The following PTPRA variants were observed in gnomAD, a reference collection of about 807,000 sequenced individuals.
PTPRA encodes receptor-type tyrosine-protein phosphatase alpha.
PTPRA carries 25 observed loss-of-function variants against 104.8 expected under a neutral mutation model. The ratio of observed to expected loss-of-function variants is 0.24; its 90% CI spans 0.17 to 0.33. The LOEUF is 0.33. Ranked by LOEUF, PTPRA falls within the 10% of genes least tolerant of loss-of-function variation. The pLI, the probability that PTPRA is intolerant of heterozygous loss-of-function variation, is 1.00. For synonymous variants in PTPRA, 323 were observed against 368.9 expected, an observed-to-expected ratio of 0.88 and a Z score of 1.43; for missense variants, 765 against 1,015.3, an observed-to-expected ratio of 0.75 and a Z score of 3.35.
intron 2 of PTPRA, among the ~76,000 whole-genome samples, chr20:2,931,938 ATGAC>A (rs757477676): frequency 4.6e-5 from 7 of 152,208 alleles, no homozygotes; most frequent in Non-Finnish European, 7.3e-5. Flanking sequence ...AGTCTGTTGA[ATGAC>A]TGACTGACTG....
rs563112711 is a variant in PTPRA, at chr20:3,037,435, A to G, written c.2334+146A>G. Reference sequence around the variant, plus strand: ...TGCCCTCCCAAGGTGCCCCAAATACACAGGAAACATTGGGAGGCAGGATGG... The same window carrying G: ...TGCCCTCCCAAGGTGCCCCAAATACGCAGGAAACATTGGGAGGCAGGATGG... On this transcript the variant is annotated intron_variant, in intron 23 of 23. Transcript: ENST00000399903. This position sits in a 1 kb window ranked among gnomAD's most constrained non-coding sequence, Gnocchi z 4.3. 1.5e-6 allele frequency: 2 copies of G among 1,299,970 alleles called. No individual in the cohort carries two copies. The highest frequency in any genetic ancestry group is 1.5e-5 in the African/African-American group (1 of 67,386). The allele number at this position is 1,299,970 out of a possible 1,614,324, so 80.5% of individuals were successfully genotyped here. A position where few individuals can be genotyped will look rare whatever the true frequency, so the allele number is the denominator to read the frequency against.
chr20:2,949,821 A>G (rs543954435), intron 3 of PTPRA, among the ~76,000 whole-genome samples: 65 of 152,100 alleles, frequency 4.3e-4, no homozygotes, highest in African/African-American at 1.4e-3. Context: ...GTTTTTATCT[A>G]ATGCATTTTC....
chr20:3,012,301 A>G (rs1338592774), intron 11 of PTPRA, among the ~76,000 whole-genome samples: 1 of 152,244 alleles, frequency 6.6e-6, no homozygotes, highest in Non-Finnish European at 1.5e-5. Context: ...GGGCTATTGC[A>G]ATAGCAGGTA....
At chr20:2,902,190 T>C (rs1449581524) in intron 1 of PTPRA, among the ~76,000 whole-genome samples, 1 of 152,134 alleles carries the variant, frequency 6.6e-6, no homozygotes, top group African/African-American at 2.4e-5. Context: ...TGGCCAATTG[T>C]GATTTTTTTA....
chr20:3,030,590 GA>G (rs1568709052), intron 20 of PTPRA, among the ~76,000 whole-genome samples: 1 of 137,498 alleles, frequency 7.3e-6, no homozygotes, highest in Admixed American at 7.7e-5. Flanking sequence ...AGTTCCCAGA[GA>G]AAAAAATTCG....
the PTPRA span, among the ~76,000 whole-genome samples, chr20:2,868,310 C>CTTTTTTTTTTTTT: frequency 1.5e-4 from 16 of 104,150 alleles, no homozygotes; most frequent in East Asian, 8.1e-4. Context: ...GACTCCACCT[C>CTTTTTTTTTTTTT]TTTTTTTTTT....
In PTPRA at chr20:3,037,967, C is replaced by CCAT. The variant is rs1372364523; in HGVS notation, c.2335-90_2335-88dup. The CCAT allele has an allele frequency of 9.0e-7, 1 of 1,109,352 alleles. No homozygotes were observed. Among genetic ancestry groups the CCAT allele is most frequent in the East Asian group, 2.4e-5 (1 of 41,948 alleles). The allele number at this position is 1,109,352 out of a possible 1,614,324, so 68.7% of individuals were successfully genotyped here. On this transcript the variant is annotated intron_variant, in intron 23 of 23. Coordinates refer to ENST00000399903, the MANE Select transcript of PTPRA (RefSeq NM_001385305.1). The surrounding 1 kb of genome is among the most constrained non-coding windows in gnomAD (Gnocchi z 4.3). ...AAAACATTCAGTTCCTCTTGATTTT[C>CCAT]CATCTTCAACAAAAAAATGAGTCTG...
At chr20:2,911,292 C>G (rs2059714990) in intron 1 of PTPRA, among the ~76,000 whole-genome samples, 1 of 151,928 alleles carries the variant, frequency 6.6e-6, no homozygotes, top group Non-Finnish European at 1.5e-5. Flanking sequence ...CAATTTTTTT[C>G]TTGCTCTGAG....
chr20:3,015,780 G>A, intron 11 of PTPRA, 69 bp from the exon 12 acceptor site: 1 of 1,352,154 alleles, frequency 7.4e-7, no homozygotes, highest in Non-Finnish European at 1.0e-6. Flanking sequence ...GTTGGAGTCA[G>A]ACTGGAGAAT....
chr20:2,988,186 G>A, intron 8 of PTPRA, 81 bp downstream of exon 8: 1 of 1,514,498 alleles, frequency 6.6e-7, no homozygotes, highest in Non-Finnish European at 9.1e-7. Context: ...CCTTTTAAAA[G>A]AATAAGACAA....
chr20:3,024,717 C>A, intron 17 of PTPRA, 96 bp downstream of exon 17: 1 of 1,429,324 alleles, frequency 7.0e-7, no homozygotes, highest in South Asian at 1.2e-5. Flanking sequence ...CAGTAAATCC[C>A]CTTGTGAGGC....
chr20:2,867,837 CT>C, the PTPRA span, among the ~76,000 whole-genome samples: 24 of 152,198 alleles, frequency 1.6e-4, no homozygotes, highest in African/African-American at 5.5e-4. Flanking sequence ...GAAGGTATTT[CT>C]TTTTTTCCTT....
At chr20:2,984,041 G>A (rs750603953) in intron 6 of PTPRA, among the ~76,000 whole-genome samples, 3 of 151,812 alleles carry the variant, frequency 2.0e-5, no homozygotes, top group Non-Finnish European at 2.9e-5. Flanking sequence ...GAAAATCAGA[G>A]GAGTGTTTCG....
Position 3,037,490 on chromosome 20 carries a change from G to C in PTPRA, c.2334+201G>C, listed in dbSNP as rs1302481285. On this transcript the variant is annotated intron_variant, in intron 23 of 23. Transcript: ENST00000399903. This position sits in a 1 kb window ranked among gnomAD's most constrained non-coding sequence, Gnocchi z 4.3. ...AATGGGAGCATAGCCCCTGTTGCCA[G>C]AGGTTGGGCCAGGTTAGAAGGGGTG... is the stretch of plus-strand genomic sequence containing the variant. Among the ~76,000 whole-genome samples, 1 of 152,222 alleles carries C rather than the reference G, an allele frequency of 6.6e-6. No homozygotes were observed. The highest frequency in any genetic ancestry group is 2.4e-5 in the African/African-American group (1 of 41,456).
intron 9 of PTPRA, 66 bp downstream of exon 9, chr20:2,988,540 G>C: frequency 1.9e-6 from 3 of 1,560,192 alleles, no homozygotes; most frequent in African/African-American, 1.4e-5. Context: ...AGACCTTTCA[G>C]ATCTTTGGAG....
At chr20:2,887,086 G>T (rs1160567121) in intron 1 of PTPRA, among the ~76,000 whole-genome samples, 1 of 151,956 alleles carries the variant, frequency 6.6e-6, no homozygotes, top group Non-Finnish European at 1.5e-5. Flanking sequence ...TTAAAACTTG[G>T]AATCAGGCTT....
At chr20:3,017,673 G>A (rs2064533707) in intron 12 of PTPRA, 143 bp from the exon 13 acceptor site, 4 of 649,914 alleles carry the variant, frequency 6.2e-6, no homozygotes, top group South Asian at 1.9e-5. Flanking sequence ...AATTAGTAAC[G>A]GGGTGGATGG....
chr20:2,949,000 C>T (rs2061257918), intron 3 of PTPRA, among the ~76,000 whole-genome samples: 1 of 152,052 alleles, frequency 6.6e-6, no homozygotes, highest in Non-Finnish European at 1.5e-5. Context: ...ACTATCTCCC[C>T]CTTCTCTCTT....
upstream of PTPRA, among the ~76,000 whole-genome samples, chr20:2,871,943 T>A (rs981441966): frequency 6.6e-6 from 1 of 152,196 alleles, no homozygotes; most frequent in Non-Finnish European, 1.5e-5. Context: ...AAGGAGAGAC[T>A]TCCCTGCTGG....
Sources: gnomAD v4.1 joint callset for allele counts (sites outside exome capture counted in the v4.1 genomes callset) on GRCh38, gnomAD v4.1.1 for gene constraint, Gnocchi (gnomAD v3.1) non-coding constraint, MANE v1.5 for transcripts, NCBI Gene and HGNC (gene_info 2026-07-23, HGNC 2026-07-21) for gene names.